NTRK3: variants seen among roughly 807,000 people sequenced by gnomAD.
NTRK3 encodes the protein NT-3 growth factor receptor.
A neutral mutation model predicts 91.7 loss-of-function variants in NTRK3; 24 were observed. The observed-to-expected ratio is 0.26, with a 90% confidence interval of 0.19 to 0.37. The LOEUF is 0.37. Ranked by LOEUF, NTRK3 falls within the 10% of genes least tolerant of loss-of-function variation. The pLI, the probability that NTRK3 is intolerant of heterozygous loss-of-function variation, is 1.00. For synonymous variants in NTRK3, 483 were observed against 404.0 expected (o/e 1.20, Z -2.34); for missense variants, 880 against 1,068.9 (o/e 0.82, Z 2.46).
intron 14 of NTRK3, among the ~76,000 whole-genome samples, chr15:88,020,868 A>G (rs888457998): frequency 1.3e-5 from 2 of 152,162 alleles, no homozygotes; most frequent in Non-Finnish European, 2.9e-5. Context: ...CCATGCCAAG[A>G]CCATTATATT....
intron 3 of NTRK3, among the ~76,000 whole-genome samples, chr15:88,251,505 G>A (rs1222754218): frequency 6.6e-6 from 1 of 152,262 alleles, no homozygotes; most frequent in African/African-American, 2.4e-5. Context: ...CCAACTGGAG[G>A]CCCCGAGGGG....
chr15:88,109,843 A>T (rs933877140), intron 13 of NTRK3, among the ~76,000 whole-genome samples: 4 of 152,180 alleles, frequency 2.6e-5, no homozygotes, highest in Non-Finnish European at 5.9e-5. Flanking sequence ...CACAGCCATA[A>T]TGGGACCTGC....
intron 3 of NTRK3, among the ~76,000 whole-genome samples, chr15:88,205,605 C>T (rs765152005): frequency 1.3e-5 from 2 of 152,166 alleles, no homozygotes; most frequent in Non-Finnish European, 2.9e-5. Context: ...TGAAAGGTAA[C>T]CCAACTGCAC....
At chr15:88,181,320 C>T (rs1196145746) in intron 5 of NTRK3, among the ~76,000 whole-genome samples, 1 of 152,156 alleles carries the variant, frequency 6.6e-6, no homozygotes, top group Non-Finnish European at 1.5e-5. Context: ...ATCGCTGCCA[C>T]CACTCAGCAG....
rs2053523565 is a variant in NTRK3, at chr15:88,128,609, G to A, written c.1228+102C>T. 3 of 1,259,738 alleles carry A rather than the reference G, an allele frequency of 2.4e-6. No homozygotes were observed. In the South Asian group the frequency reaches 3.6e-5, roughly 15 times the overall value. 78.0% of individuals were successfully genotyped at this position (1,259,738 alleles called of 1,614,324 possible). On this transcript the variant is annotated intron_variant, in intron 11 of 18. Transcript: ENST00000394480. ...ACTCAGATGCCCTCAGCTGCCATGG[G>A]CCAGGGATGATGTGGAATAGGAGAG... is the stretch of plus-strand genomic sequence containing the variant.
intron 13 of NTRK3, among the ~76,000 whole-genome samples, chr15:88,069,695 C>T (rs777825252): frequency 2.2e-4 from 34 of 152,208 alleles, no homozygotes; most frequent in Non-Finnish European, 4.3e-4. Flanking sequence ...GCACAGAACA[C>T]GTAGGATTTT....
At chr15:87,904,742 A>G (rs1186805152) in intron 17 of NTRK3, among the ~76,000 whole-genome samples, 1 of 152,210 alleles carries the variant, frequency 6.6e-6, no homozygotes, top group African/African-American at 2.4e-5. Context: ...AAGAATGACT[A>G]TCCTTGTCAG....
chr15:88,099,782 C>T (rs1179584608), intron 13 of NTRK3, among the ~76,000 whole-genome samples: 1 of 152,146 alleles, frequency 6.6e-6, no homozygotes, highest in African/African-American at 2.4e-5. Context: ...TTACTAAGTG[C>T]TCACATGAAC....
chr15:88,068,433 A>AAAAACAAAAC (rs376024182), intron 13 of NTRK3, among the ~76,000 whole-genome samples: 1 of 152,210 alleles, frequency 6.6e-6, no homozygotes, highest in Non-Finnish European at 1.5e-5. Context: ...TCCATCTCAA[A>AAAAACAAAAC]AAAACAAAAC....
intron 3 of NTRK3, among the ~76,000 whole-genome samples, chr15:88,239,297 A>G (rs1205987515): frequency 6.6e-6 from 1 of 152,140 alleles, no homozygotes; most frequent in Admixed American, 6.5e-5. Flanking sequence ...GGGGCAGAGG[A>G]TTCCCATGGG....
At chr15:87,920,683 A>T (rs940532562) in intron 17 of NTRK3, among the ~76,000 whole-genome samples, 2 of 152,120 alleles carry the variant, frequency 1.3e-5, no homozygotes, top group Non-Finnish European at 2.9e-5. Context: ...GTTTCTCAGC[A>T]CCTCTGGGAC....
At chr15:87,912,118 C>T (rs375699863) in intron 17 of NTRK3, among the ~76,000 whole-genome samples, 2 of 152,204 alleles carry the variant, frequency 1.3e-5, no homozygotes, top group Admixed American at 6.5e-5. Flanking sequence ...AATCACGTTG[C>T]TGCTGGTTGC....
chr15:87,876,719 ATAT>A, exon 19 of NTRK3: 1 of 190,890 alleles, frequency 5.2e-6, no homozygotes, highest in Non-Finnish European at 1.0e-5. Context: ...ATATATAAAT[ATAT>A]ATATATATAT....
Position 88,061,989 on chromosome 15 carries a change from GA to G in NTRK3, c.1397-28945del, listed in dbSNP as rs1457360384. On this transcript the variant is annotated intron_variant, in intron 13 of 18. Transcript: ENST00000394480. ...GCCAACCGCAGATCAAAAATATTTGGAAAAAAATAAAAATTAACAAAATAAA... is the reference window on the plus strand; with the variant it reads ...GCCAACCGCAGATCAAAAATATTTGGAAAAAATAAAAATTAACAAAATAAA... Among the ~76,000 whole-genome samples, 4 of 151,768 alleles carry G rather than the reference GA, an allele frequency of 2.6e-5. No homozygotes were observed. In the East Asian group the frequency reaches 7.7e-4, roughly 29 times the overall value.
chr15:87,969,065 T>C (rs540164975), intron 14 of NTRK3, among the ~76,000 whole-genome samples: 1 of 152,190 alleles, frequency 6.6e-6, no homozygotes, highest in Admixed American at 6.5e-5. Context: ...TTGAACACAA[T>C]GGAATTATCC....
exon 19 of NTRK3, chr15:87,874,849 T>C (rs1049834984): frequency 4.3e-6 from 1 of 231,404 alleles, no homozygotes; most frequent in African/African-American, 2.2e-5. Context: ...AGGAGTTCCT[T>C]GAGGTGGTCA....
At chr15:88,080,002 G>A (rs888710820) in intron 13 of NTRK3, among the ~76,000 whole-genome samples, 12 of 151,874 alleles carry the variant, frequency 7.9e-5, no homozygotes, top group African/African-American at 2.7e-4. Flanking sequence ...AACAAATACC[G>A]TAAATATTTT....
At chr15:88,028,778 C>A (rs926953287) in intron 14 of NTRK3, among the ~76,000 whole-genome samples, 1 of 152,130 alleles carries the variant, frequency 6.6e-6, no homozygotes, top group African/African-American at 2.4e-5. Flanking sequence ...GTTTTCTCAA[C>A]CAAGAGTATG....
At chr15:88,130,202 T>C (rs1383263088) in intron 10 of NTRK3, among the ~76,000 whole-genome samples, 7 of 152,118 alleles carry the variant, frequency 4.6e-5, no homozygotes, top group African/African-American at 1.2e-4. Flanking sequence ...TTACCAGCCA[T>C]AGAACAAAAT....
Sources: gnomAD v4.1 joint callset for allele counts (sites outside exome capture counted in the v4.1 genomes callset) on GRCh38, gnomAD v4.1.1 for gene constraint, MANE v1.5 for transcripts, NCBI Gene and HGNC (gene_info 2026-07-23, HGNC 2026-07-21) for gene names.